PDZD7: variants seen among roughly 807,000 people sequenced by gnomAD.
PDZD7 encodes PDZ domain containing 7.
A neutral mutation model predicts 84.7 loss-of-function variants in PDZD7; 72 were observed. The observed-to-expected ratio is 0.85, with a 90% CI of 0.70 to 1.03. The LOEUF (loss-of-function observed/expected upper bound fraction) is 1.03, where lower values mean the gene tolerates loss of function less well. Ranked by LOEUF, PDZD7 falls within the 50% of genes least tolerant of loss-of-function variation. The pLI is 0.00. For missense variants in PDZD7, 1,490 were observed against 1,412.9 expected (o/e 1.05, Z -0.87); for synonymous variants, 594 against 580.7 (o/e 1.02, Z -0.33).
At chr10:101,022,166 A>G (rs1853146968) in intron 5 of PDZD7, 43 bp downstream of exon 5, 2 of 1,610,162 alleles carry the variant, frequency 1.2e-6, no homozygotes, top group Non-Finnish European at 1.7e-6. Context: ...TCCAGACCCC[A>G]TTCTCAGTTC....
In PDZD7 at chr10:101,019,619, TTTC is replaced by T. The variant is rs1194866254; in HGVS notation, c.929-405_929-403del. On this transcript the variant is annotated intron_variant, in intron 7 of 16. Transcript: ENST00000619208. ...CTTCTTCTTCTTCCTCCTCTTCTTC[TTTC>T]TTCTTCTTCTTTTTTTTTTCTTTGA... Among the ~76,000 whole-genome samples, 16 of 142,476 alleles carry T rather than the reference TTTC, an allele frequency of 1.1e-4. No individual in the cohort carries two copies. In the South Asian group the frequency reaches 1.4e-3, roughly 13 times the overall value. 93.5% of individuals were successfully genotyped at this position (142,476 alleles called of 152,430 possible).
rs574961159 is a variant in PDZD7 at position 101,015,796 on chromosome 10, C to T, written c.1589G>A (p.Arg530Gln). 30 of 1,548,670 alleles carry T rather than the reference C, an allele frequency of 1.9e-5. No individual in the cohort carries two copies. The highest frequency in any genetic ancestry group is 5.5e-5 in the African/African-American group (4 of 73,076). The change falls in exon 11 of 17, where the codon CGG becomes CAG. Residue 530 changes from arginine to glutamine, a missense_variant. By Grantham distance (43) the Arg-to-Gln change is conservative. Coordinates refer to ENST00000619208, the MANE Select transcript of PDZD7 (RefSeq NM_001195263.2). Reference sequence around the variant, plus strand: ...CCCAGACCTGGCAGACAGCAGGGCCCGGCCCCTCTCCTGGTCTGCAGGGCA... The same window carrying T: ...CCCAGACCTGGCAGACAGCAGGGCCTGGCCCCTCTCCTGGTCTGCAGGGCA... ...WRLRRDQERGRALLSARSGSP... is the reference protein window; with the variant it reads ...WRLRRDQERGQALLSARSGSP...
chr10:101,022,486 T>C (rs918257666), intron 4 of PDZD7, 101 bp from the exon 5 acceptor site: 1 of 1,424,980 alleles, frequency 7.0e-7, no homozygotes, highest in Non-Finnish European at 9.7e-7. Flanking sequence ...GGGGTTGCCT[T>C]TGGGGGACTC....
chr10:101,012,100 G>A (rs868831531), intron 12 of PDZD7, 67 bp downstream of exon 12: 21 of 1,540,342 alleles, frequency 1.4e-5, no homozygotes, highest in Middle Eastern at 1.7e-4. Context: ...TTCAGCCCTC[G>A]GGAGGTTGGG....
At chr10:101,015,203 C>T (rs1025408226) in intron 11 of PDZD7, among the ~76,000 whole-genome samples, 1 of 152,208 alleles carries the variant, frequency 6.6e-6, no homozygotes, top group Non-Finnish European at 1.5e-5. Flanking sequence ...CAGAGGGTGG[C>T]ATGCAGTGAA....
intron 2 of PDZD7, among the ~76,000 whole-genome samples, chr10:101,027,148 T>A (rs910738172): frequency 2.6e-5 from 4 of 152,184 alleles, no homozygotes; most frequent in African/African-American, 9.7e-5. Flanking sequence ...CTCATGTCTT[T>A]TCCCTGATTA....
chr10:101,023,374 G>A lies in PDZD7; in HGVS notation c.542+62C>T, dbSNP rs1383576581. 4 of 1,599,696 alleles carry A rather than the reference G, an allele frequency of 2.5e-6. No individual in the cohort carries two copies. The African/African-American group carries it at 5.4e-5, about 22-fold the overall frequency. On this transcript the variant is annotated intron_variant, in intron 4 of 16. Transcript: ENST00000619208. ...CCTCTCCTGCCAGTGGGTTTTGGGTGTTGGTAGGGTTGGGGTGGGCTGGGG... is the reference window on the plus strand; with the variant it reads ...CCTCTCCTGCCAGTGGGTTTTGGGTATTGGTAGGGTTGGGGTGGGCTGGGG...
chr10:101,030,629 T>C, intron 1 of PDZD7: 1 of 369,586 alleles, frequency 2.7e-6, no homozygotes, highest in Non-Finnish European at 5.2e-6. Flanking sequence ...TCTACTCCCG[T>C]CCCCAGTCCT....
intron 12 of PDZD7, 69 bp downstream of exon 12, chr10:101,012,098 T>G (rs1397961959): frequency 5.8e-6 from 9 of 1,541,516 alleles, no homozygotes; most frequent in Non-Finnish European, 7.9e-6. Context: ...CCTTCAGCCC[T>G]CGGGAGGTTG....
At chr10:101,017,941 T>C (rs183250552) in intron 9 of PDZD7, among the ~76,000 whole-genome samples, 158 bp downstream of exon 9, 1 of 147,422 alleles carries the variant, frequency 6.8e-6, no homozygotes, top group East Asian at 2.0e-4. Context: ...GAAATAGGTA[T>C]TATTACCCCC....
At chr10:101,025,774 C>G (rs1000403817) in intron 2 of PDZD7, among the ~76,000 whole-genome samples, 8 of 150,978 alleles carry the variant, frequency 5.3e-5, no homozygotes, top group Non-Finnish European at 8.8e-5. Context: ...GTTTTGATCT[C>G]CTGACCTCGT....
At chr10:101,023,159 T>C (rs1590068406) in intron 4 of PDZD7, 3 of 429,456 alleles carry the variant, frequency 7.0e-6, no homozygotes, top group South Asian at 4.1e-5. Context: ...ACAGCACCCC[T>C]GTAGAGAGGT....
At chr10:101,017,099 A>G (rs1284236729) in intron 9 of PDZD7, among the ~76,000 whole-genome samples, 2 of 152,116 alleles carry the variant, frequency 1.3e-5, no homozygotes, top group African/African-American at 2.4e-5. Context: ...AGGCTGGCCA[A>G]CAAAAGCACT....
chr10:101,023,633 C>T, intron 3 of PDZD7, 23 bp from the exon 4 acceptor site: 1 of 1,608,608 alleles, frequency 6.2e-7, no homozygotes, highest in South Asian at 1.1e-5. Flanking sequence ...ATGGGAGTGG[C>T]TGGCATGGGT....
chr10:101,020,202 G>A (rs2134071358), intron 7 of PDZD7, among the ~76,000 whole-genome samples: 1 of 152,176 alleles, frequency 6.6e-6, no homozygotes, highest in East Asian at 1.9e-4. Context: ...CTGCCTCCTG[G>A]GTTCAAGCAA....
intron 9 of PDZD7, chr10:101,017,545 A>G (rs1400779539): frequency 2.9e-6 from 2 of 699,972 alleles, no homozygotes; most frequent in Non-Finnish European, 5.2e-6. Context: ...ACTTTGGGAG[A>G]CTAAGGCGGG....
intron 11 of PDZD7, among the ~76,000 whole-genome samples, chr10:101,013,387 C>T (rs1419233683): frequency 2.0e-5 from 3 of 152,208 alleles, no homozygotes; most frequent in African/African-American, 7.2e-5. Flanking sequence ...AGATGAGTCA[C>T]ATACCCTGGT....
intron 9 of PDZD7, 150 bp downstream of exon 9, chr10:101,017,949 C>T: frequency 1.3e-6 from 1 of 750,756 alleles, no homozygotes. Flanking sequence ...TATTATTACC[C>T]CCATTTTACT....
At chr10:101,027,090 G>A (rs1024923533) in intron 2 of PDZD7, among the ~76,000 whole-genome samples, 4 of 152,216 alleles carry the variant, frequency 2.6e-5, no homozygotes, top group Admixed American at 1.3e-4. Context: ...CACTCTTGCC[G>A]CCTTTAGCTA....
Sources: allele counts gnomAD v4.1 joint callset (sites outside exome capture counted in the v4.1 genomes callset), GRCh38; gene constraint gnomAD v4.1.1; transcripts MANE v1.5; gene names NCBI Gene and HGNC (gene_info 2026-07-23, HGNC 2026-07-21).